The following TRPS1 variants were observed in gnomAD, a reference collection of about 807,000 sequenced individuals.
TRPS1 encodes the protein transcriptional repressor GATA binding 1.
A neutral mutation model predicts 101.2 loss-of-function variants in TRPS1; 6 were observed. That is an observed-to-expected ratio of 0.06 (90% confidence interval 0.03 to 0.12). TRPS1 has a LOEUF of 0.12. TRPS1 is among the 10% of genes least tolerant of loss of function. The probability of loss-of-function intolerance (pLI) is 1.00; values close to 1 mark genes in which losing one functional copy is unlikely to be tolerated. For synonymous variants in TRPS1, 578 were observed against 589.8 expected, an observed-to-expected ratio of 0.98 and a Z score of 0.29; for missense variants, 1,363 against 1,567.0, an observed-to-expected ratio of 0.87 and a Z score of 2.20.
At chr8:115,650,297 T>G (rs534403055) in intron 1 of TRPS1, among the ~76,000 whole-genome samples, 1 of 152,304 alleles carries the variant, frequency 6.6e-6, no homozygotes, top group Admixed American at 6.5e-5. Context: ...CAGAAAAGCA[T>G]GTTGGTATAA....
intron 5 of TRPS1, among the ~76,000 whole-genome samples, chr8:115,548,105 A>G (rs1450067599): frequency 1.3e-5 from 2 of 151,644 alleles, no homozygotes; most frequent in African/African-American, 2.4e-5. Context: ...TGGTTGGCGC[A>G]TGCCTCTAAG....
intron 5 of TRPS1, among the ~76,000 whole-genome samples, chr8:115,530,977 G>A (rs2130262890): frequency 6.6e-6 from 1 of 152,152 alleles, no homozygotes; most frequent in East Asian, 1.9e-4. Flanking sequence ...TATACCTAAT[G>A]TAAATGACGA....
chr8:115,432,891 A>C (rs1813356147), intron 5 of TRPS1, among the ~76,000 whole-genome samples: 1 of 150,512 alleles, frequency 6.6e-6, no homozygotes, highest in Non-Finnish European at 1.5e-5. Context: ...CTTGAACTTG[A>C]CTTTTTTTTT....
intron 1 of TRPS1, among the ~76,000 whole-genome samples, chr8:115,633,550 C>T (rs1278397795): frequency 6.6e-6 from 1 of 152,094 alleles, no homozygotes; most frequent in Non-Finnish European, 1.5e-5. Context: ...CACGTAATTT[C>T]CCCAGTTGGT....
intron 5 of TRPS1, among the ~76,000 whole-genome samples, chr8:115,504,984 T>G (rs1244608343): frequency 2.0e-5 from 3 of 152,082 alleles, no homozygotes; most frequent in Non-Finnish European, 4.4e-5. Flanking sequence ...ATATATATCT[T>G]CATATTCATA....
Position 115,480,119 on chromosome 8 carries a change from G to A in TRPS1, c.2701-61667C>T, listed in dbSNP as rs544119156. Among the ~76,000 whole-genome samples the A allele has an allele frequency of 2.0e-4, 31 of 152,186 alleles. No individual in the cohort carries two copies. In the South Asian group the frequency reaches 6.4e-3, roughly 32 times the overall value. ...TCAGGGATTTTCTTCTGTTCATACTGAAGATGACTGTGAAAGTCAGACAGA... is the reference window on the plus strand; with the variant it reads ...TCAGGGATTTTCTTCTGTTCATACTAAAGATGACTGTGAAAGTCAGACAGA... On this transcript the variant is annotated intron_variant, in intron 5 of 6. Coordinates refer to ENST00000395715, the MANE Select transcript of TRPS1 (RefSeq NM_014112.5).
At chr8:115,631,538 G>A (rs1355489047) in intron 1 of TRPS1, among the ~76,000 whole-genome samples, 1 of 151,986 alleles carries the variant, frequency 6.6e-6, no homozygotes, top group Non-Finnish European at 1.5e-5. Context: ...ATTGGCACAA[G>A]GGACATGCAA....
intron 1 of TRPS1, among the ~76,000 whole-genome samples, chr8:115,629,133 G>A (rs749036328): frequency 3.3e-5 from 5 of 151,538 alleles, no homozygotes; most frequent in Non-Finnish European, 4.4e-5. Context: ...TTTAAAGCAC[G>A]CGTAGTTAAG....
chr8:115,526,022 T>A (rs1259107924), intron 5 of TRPS1, among the ~76,000 whole-genome samples: 1 of 152,172 alleles, frequency 6.6e-6, no homozygotes, highest in African/African-American at 2.4e-5. Context: ...GATTTTACAC[T>A]GTGGGAAGAA....
intron 5 of TRPS1, among the ~76,000 whole-genome samples, chr8:115,548,513 C>A (rs563171416): frequency 6.6e-6 from 1 of 151,738 alleles, no homozygotes; most frequent in East Asian, 2.0e-4. Flanking sequence ...CTGCTGATCG[C>A]GAACTCCTGA....
At chr8:115,668,148 G>T (rs1050449758) in intron 1 of TRPS1, 1 of 568,256 alleles carries the variant, frequency 1.8e-6, no homozygotes. Flanking sequence ...TGACTCCAGG[G>T]GCTACTGCAG....
At chr8:115,511,387 T>C (rs1193855416) in intron 5 of TRPS1, 2 of 151,960 alleles carry the variant, frequency 1.3e-5, no homozygotes. Context: ...TTTGTTTTGG[T>C]CCATGCAAAA....
chr8:115,526,036 C>A (rs1413460554), intron 5 of TRPS1, among the ~76,000 whole-genome samples: 1 of 152,114 alleles, frequency 6.6e-6, no homozygotes, highest in African/African-American at 2.4e-5. Context: ...GGAAGAAGGG[C>A]AGAACACAAT....
intron 5 of TRPS1, among the ~76,000 whole-genome samples, chr8:115,425,031 T>C (rs1229723057): frequency 2.6e-5 from 4 of 152,150 alleles, no homozygotes; most frequent in African/African-American, 9.7e-5. Flanking sequence ...TATACTGAAT[T>C]CAGGAGCTAA....
intron 3 of TRPS1, among the ~76,000 whole-genome samples, chr8:115,613,219 A>C (rs1186886804): frequency 6.6e-6 from 1 of 152,222 alleles, no homozygotes; most frequent in Non-Finnish European, 1.5e-5. Context: ...TACCAGAACT[A>C]ATTCCTGCAG....
At chr8:115,642,905 G>C (rs1280325185) in intron 1 of TRPS1, among the ~76,000 whole-genome samples, 1 of 149,366 alleles carries the variant, frequency 6.7e-6, no homozygotes, top group Non-Finnish European at 1.5e-5. Flanking sequence ...ACACCTCGGA[G>C]ATACTACACC....
chr8:115,521,380 G>GA (rs898539831), intron 5 of TRPS1, among the ~76,000 whole-genome samples: 10 of 150,238 alleles, frequency 6.7e-5, no homozygotes, highest in Non-Finnish European at 1.0e-4. Flanking sequence ...TCATACACAG[G>GA]AAAAAAAAAG....
At chr8:115,536,606 T>C (rs1816329636) in intron 5 of TRPS1, among the ~76,000 whole-genome samples, 1 of 151,880 alleles carries the variant, frequency 6.6e-6, no homozygotes, top group Non-Finnish European at 1.5e-5. Flanking sequence ...TTTTTGCCAT[T>C]ACTATTTTGT....
intron 5 of TRPS1, among the ~76,000 whole-genome samples, chr8:115,543,867 AT>A (rs34684759): frequency 0.64 from 97,378 of 151,802 alleles, 31,840 homozygotes; most frequent in East Asian, 0.84. Context: ...TTTCTCTGAA[AT>A]TTGCTCTACA....
Sources: gnomAD v4.1 joint callset for allele counts (sites outside exome capture counted in the v4.1 genomes callset) on GRCh38, gnomAD v4.1.1 for gene constraint, MANE v1.5 for transcripts, NCBI Gene and HGNC (gene_info 2026-07-23, HGNC 2026-07-21) for gene names.